Variants in MARK1 observed in about 807,000 individuals in gnomAD.
The protein encoded by MARK1 is serine/threonine-protein kinase MARK1.
Under a neutral mutation model 96.3 loss-of-function variants are expected in MARK1, and 40 were observed. That is an observed-to-expected ratio of 0.42 (90% CI 0.32 to 0.54). MARK1 has a LOEUF of 0.54. Ranked by LOEUF, MARK1 falls within the 20% of genes least tolerant of loss-of-function variation. MARK1 has a pLI of 0.16. For synonymous variants in MARK1, 317 were observed against 341.2 expected (o/e 0.93, Z 0.78); for missense variants, 719 against 984.6 (o/e 0.73, Z 3.61).
chr1:220,626,572 A>G, intron 9 of MARK1: 1 of 417,428 alleles, frequency 2.4e-6, no homozygotes, highest in Admixed American at 2.8e-5. Context: ...GCCTGTTCTC[A>G]GCATTTTGGG....
intron 1 of MARK1, among the ~76,000 whole-genome samples, chr1:220,532,015 T>C (rs1249751370): frequency 6.6e-6 from 1 of 152,144 alleles, no homozygotes; most frequent in African/African-American, 2.4e-5. Flanking sequence ...AAAAAAAATT[T>C]AGTATTTGGG....
intron 1 of MARK1, among the ~76,000 whole-genome samples, chr1:220,568,384 G>A (rs576948376): frequency 5.9e-5 from 9 of 152,212 alleles, no homozygotes; most frequent in African/African-American, 2.2e-4. Flanking sequence ...TAGAGCAAAC[G>A]ACCTGTTGTA....
chr1:220,641,420 T>G (rs1001375086), intron 13 of MARK1, among the ~76,000 whole-genome samples: 19 of 152,100 alleles, frequency 1.2e-4, no homozygotes, highest in Non-Finnish European at 1.5e-5. Flanking sequence ...GATGGCCATC[T>G]AGGAAGCGGG....
chr1:220,534,660 T>C (rs891329837), intron 1 of MARK1, among the ~76,000 whole-genome samples: 2 of 152,132 alleles, frequency 1.3e-5, no homozygotes, highest in Non-Finnish European at 2.9e-5. Context: ...AGTGTACATA[T>C]TGAACAGCAA....
intron 1 of MARK1, among the ~76,000 whole-genome samples, chr1:220,550,955 T>C (rs1661815157): frequency 6.6e-6 from 1 of 152,218 alleles, no homozygotes; most frequent in Non-Finnish European, 1.5e-5. Context: ...CTGTGTATAG[T>C]TGCTGCTTCA....
intron 13 of MARK1, among the ~76,000 whole-genome samples, chr1:220,641,188 T>C (rs1255212945): frequency 6.6e-6 from 1 of 152,176 alleles, no homozygotes; most frequent in East Asian, 1.9e-4. Flanking sequence ...GTACAAAATA[T>C]AAAATGATGT....
At chr1:220,529,271 C>T (rs552650437) in intron 1 of MARK1, among the ~76,000 whole-genome samples, 128 of 152,332 alleles carry the variant, frequency 8.4e-4, no homozygotes, top group Non-Finnish European at 1.8e-3. Context: ...CTACCTCTCA[C>T]ACTCTTGCTT....
intron 9 of MARK1, chr1:220,625,899 T>C: frequency 2.0e-6 from 1 of 504,190 alleles, no homozygotes; most frequent in Non-Finnish European, 4.0e-6. Flanking sequence ...TAGAAATCTG[T>C]CACCCTCACA....
intron 3 of MARK1, among the ~76,000 whole-genome samples, chr1:220,593,076 A>C (rs1665103213): frequency 6.6e-6 from 1 of 152,216 alleles, no homozygotes; most frequent in South Asian, 2.1e-4. Flanking sequence ...TGTTAGAGAT[A>C]TATAATAGCA....
chr1:220,541,761 C>G (rs1416282277), intron 1 of MARK1, among the ~76,000 whole-genome samples: 1 of 152,130 alleles, frequency 6.6e-6, no homozygotes, highest in Non-Finnish European at 1.5e-5. Context: ...TAATTTTTAG[C>G]CTGTGGGTGT....
rs140829962 is a variant in MARK1 at position 220,540,358 on chromosome 1, G to GT, written c.51+11493dup. ...TGAAGAAGAGAGAAATAAATTTTCC[G>GT]TTTTTTTTCTTTATATTCCAATCGG... On this transcript the variant is annotated intron_variant, in intron 1 of 17. Coordinates refer to ENST00000366917, the MANE Select transcript of MARK1 (RefSeq NM_018650.5). Among the ~76,000 whole-genome samples, 605 of 152,030 alleles carry GT rather than the reference G, an allele frequency of 4.0e-3. 41 individuals carry two copies. In the East Asian group the frequency reaches 0.095, roughly 24 times the overall value.
chr1:220,656,527 C>T (rs935116490), intron 16 of MARK1, among the ~76,000 whole-genome samples: 2 of 152,168 alleles, frequency 1.3e-5, no homozygotes, highest in African/African-American at 4.8e-5. Flanking sequence ...GCATTACTGT[C>T]TTGCTTGCCA....
rs543296198 is a variant in MARK1 at position 220,528,387 on chromosome 1, G to A, written c.-436G>A. 1.5e-4 allele frequency: 25 copies of A among 162,298 alleles called. No individual in the cohort carries two copies. The South Asian group carries it at 4.5e-3, about 30-fold the overall frequency. The allele number at this position is 162,298 out of a possible 1,614,324, so 10.1% of individuals were successfully genotyped here. A position where few individuals can be genotyped will look rare whatever the true frequency, so the allele number is the denominator to read the frequency against. Reference sequence around the variant, plus strand: ...AACGGGGCGCGGCGCGGGTGACGCTGTCAGGGCCGCGGTTCCTGACGCCCA... The same window carrying A: ...AACGGGGCGCGGCGCGGGTGACGCTATCAGGGCCGCGGTTCCTGACGCCCA... On this transcript the variant is annotated 5_prime_UTR_variant, in exon 1 of 18. Transcript: ENST00000366917.
At chr1:220,566,739 G>T (rs368325213) in intron 1 of MARK1, among the ~76,000 whole-genome samples, 1 of 152,224 alleles carries the variant, frequency 6.6e-6, no homozygotes, top group African/African-American at 2.4e-5. Context: ...CTACTAATTT[G>T]CTTAGAAAGT....
At chr1:220,643,433 A>G (rs2103033411) in intron 13 of MARK1, among the ~76,000 whole-genome samples, 1 of 152,230 alleles carries the variant, frequency 6.6e-6, no homozygotes, top group South Asian at 2.1e-4. Flanking sequence ...GAAACATGGG[A>G]CTATGTAAAA....
At chr1:220,576,589 G>A (rs1663867138) in intron 1 of MARK1, 1 of 152,138 alleles carries the variant, frequency 6.6e-6, no homozygotes, top group South Asian at 2.1e-4. Context: ...CCTACAACCA[G>A]CATTAGGAGC....
intron 1 of MARK1, among the ~76,000 whole-genome samples, chr1:220,536,918 T>G (rs1300056845): frequency 6.6e-6 from 1 of 152,122 alleles, no homozygotes; most frequent in Non-Finnish European, 1.5e-5. Context: ...GTTTTTCCAT[T>G]TCTTTACTGT....
chr1:220,609,507 C>T (rs563411099), intron 6 of MARK1, among the ~76,000 whole-genome samples: 30 of 152,274 alleles, frequency 2.0e-4, no homozygotes, highest in Admixed American at 1.1e-3. Context: ...ACTCTTTATC[C>T]AATTTGCCAC....
At position 220,663,870 on chromosome 1, in the gene MARK1, G is replaced by A. The variant is rs530334574; in HGVS notation, c.*1704G>A. ...ATGCAAATCTTTATTCACTTTCACT[G>A]GTGCACACTGAAATTTTACTTGAAC... is the stretch of plus-strand genomic sequence containing the variant. On this transcript the variant is annotated 3_prime_UTR_variant, in exon 18 of 18. Transcript: ENST00000366917. The A allele has an allele frequency of 6.6e-6, 1 of 152,298 alleles. No homozygotes were observed. The highest frequency in any genetic ancestry group is 2.1e-4 in the South Asian group (1 of 4,804). 9.4% of individuals were successfully genotyped at this position (152,298 alleles called of 1,614,324 possible).
Sources: allele counts gnomAD v4.1 joint callset (sites outside exome capture counted in the v4.1 genomes callset), GRCh38; gene constraint gnomAD v4.1.1; transcripts MANE v1.5; gene names NCBI Gene and HGNC (gene_info 2026-07-23, HGNC 2026-07-21).